IL7R: variants seen among roughly 807,000 people sequenced by gnomAD.
IL7R encodes the protein interleukin-7 receptor subunit alpha.
IL7R carries 38 observed loss-of-function variants against 47.0 expected under a neutral mutation model. The observed-to-expected ratio is 0.81, with a 90% CI of 0.62 to 1.06. The LOEUF (loss-of-function observed/expected upper bound fraction) is 1.06, where lower values mean the gene tolerates loss of function less well. IL7R is among the 50% of genes least tolerant of loss of function. The pLI, the probability that IL7R is intolerant of heterozygous loss-of-function variation, is 0.00. For missense variants in IL7R, 633 were observed against 534.8 expected (o/e 1.18, Z -1.81); for synonymous variants, 221 against 199.8 (o/e 1.11, Z -0.89).
chr5:35,861,726 T>G (rs1007874979), intron 2 of IL7R, among the ~76,000 whole-genome samples: 3 of 152,200 alleles, frequency 2.0e-5, no homozygotes, highest in African/African-American at 7.2e-5. Context: ...TTTGAAAGTT[T>G]ACTAAAGGTC....
Position 35,876,245 on chromosome 5 carries a change from C to G in IL7R, c.1139C>G (p.Pro380Arg), listed in dbSNP as rs780521625. 2.0e-5 allele frequency: 33 copies of G among 1,614,008 alleles called. No individual in the cohort carries two copies. The highest frequency in any genetic ancestry group is 6.7e-5 in the East Asian group (3 of 44,878). Residue 380 changes from proline to arginine, a missense_variant, in exon 8 of 8, where the codon CCT becomes CGT. Physicochemically the swap from Pro to Arg is moderately radical, Grantham distance 103. Coordinates refer to ENST00000303115, the MANE Select transcript of IL7R (RefSeq NM_002185.5). ...LAGNVSACDA[P>R]ILSSSRSLDC... ...GGGAATGTCAGTGCATGTGACGCCC[C>G]TATTCTCTCCTCTTCCAGGTCCCTA...
chr5:35,870,963 G>A lies in IL7R; in HGVS notation c.380-93G>A. 5.2e-6 allele frequency: 6 copies of A among 1,144,898 alleles called. No individual in the cohort carries two copies. In the South Asian group the frequency reaches 7.5e-5, roughly 14 times the overall value. 70.9% of individuals were successfully genotyped at this position (1,144,898 alleles called of 1,614,324 possible). A position where few individuals can be genotyped will look rare whatever the true frequency, so the allele number is the denominator to read the frequency against. The stretch of plus-strand genomic sequence containing the variant: ...TTGGCCATTTACTGACACAAAAAGG[G>A]TCAAAGTGACTTGCAGAGGAGATGA... On this transcript the variant is annotated intron_variant, in intron 3 of 7. Coordinates refer to ENST00000303115, the MANE Select transcript of IL7R (RefSeq NM_002185.5).
At chr5:35,869,779 TCTC>T (rs1397357431) in intron 3 of IL7R, among the ~76,000 whole-genome samples, 1 of 152,182 alleles carries the variant, frequency 6.6e-6, no homozygotes, top group East Asian at 1.9e-4. Flanking sequence ...GTTCGGCTGT[TCTC>T]CACCCACTGC....
intron 1 of IL7R, among the ~76,000 whole-genome samples, 166 bp from the exon 2 acceptor site, chr5:35,860,686 A>G (rs1334898892): frequency 6.6e-6 from 1 of 152,130 alleles, no homozygotes; most frequent in Admixed American, 6.6e-5. Flanking sequence ...TTGGTTTTGA[A>G]GCATTTTTCT....
rs201392546 is a variant in IL7R at position 35,874,026 on chromosome 5, G to A, written c.706+378G>A. Among the ~76,000 whole-genome samples the A allele has an allele frequency of 1.6e-4, 25 of 152,276 alleles. No homozygotes were observed. The East Asian group carries it at 3.5e-3, about 21-fold the overall frequency. Reference sequence around the variant, plus strand: ...TGGTGTCAGGTATGCAGGCAAGTGCGGCTGTCCTATGTCTCCTTTTCCAGA... The same window carrying A: ...TGGTGTCAGGTATGCAGGCAAGTGCAGCTGTCCTATGTCTCCTTTTCCAGA... On this transcript the variant is annotated intron_variant, in intron 5 of 7. Transcript: ENST00000303115.
intron 3 of IL7R, among the ~76,000 whole-genome samples, 184 bp from the exon 4 acceptor site, chr5:35,870,872 T>C (rs11567748): frequency 5.9e-5 from 9 of 152,172 alleles, no homozygotes; most frequent in Admixed American, 1.3e-4. Context: ...CACACCCCAC[T>C]GCAAGAGAGG....
chr5:35,865,067 C>G lies in IL7R; in HGVS notation c.222-2239C>G, dbSNP rs1427647650. Among the ~76,000 whole-genome samples, 3 of 152,130 alleles carry G rather than the reference C, an allele frequency of 2.0e-5. No homozygotes were observed. The East Asian group carries it at 5.8e-4, about 30-fold the overall frequency. On this transcript the variant is annotated intron_variant, in intron 2 of 7. Transcript: ENST00000303115. ...TGTTGGTGTGCTGCACCGATTAACTCGTCATTTACATTAGGTATATCTCCT... is the reference window on the plus strand; with the variant it reads ...TGTTGGTGTGCTGCACCGATTAACTGGTCATTTACATTAGGTATATCTCCT...
chr5:35,874,428 C>T (rs1211305208), intron 5 of IL7R, 21 bp from the exon 6 acceptor site: 3 of 1,547,160 alleles, frequency 1.9e-6, no homozygotes, highest in Non-Finnish European at 2.7e-6. Context: ...ATGCTCACCA[C>T]AATCTATTCT....
chr5:35,870,108 G>A (rs573553127), intron 3 of IL7R, among the ~76,000 whole-genome samples: 1 of 152,318 alleles, frequency 6.6e-6, no homozygotes, highest in African/African-American at 2.4e-5. Context: ...GCAAGAAGTA[G>A]CACCCCCACC....
At position 35,875,539 on chromosome 5, in the gene IL7R, C is replaced by T. The variant is rs2149904799; in HGVS notation, c.828C>T (p.Leu276=). Residue 276 remains leucine, a synonymous_variant, in exon 7 of 8, where the codon CTC becomes CTT. Coordinates refer to ENST00000303115, the MANE Select transcript of IL7R (RefSeq NM_002185.5). The stretch of plus-strand genomic sequence containing the variant: ...TTAAGCCTATCGTATGGCCCAGTCT[C>T]CCCGATCATAAGAAGACTCTGGAAC... ...KRIKPIVWPS[L]PDHKKTLEHL... 6 of 1,613,380 alleles carry T rather than the reference C, an allele frequency of 3.7e-6. No individual in the cohort carries two copies. Among genetic ancestry groups the T allele is most frequent in the Non-Finnish European group, 5.1e-6 (6 of 1,179,380 alleles).
chr5:35,872,975 T>A (rs11567758), intron 4 of IL7R, among the ~76,000 whole-genome samples: 1,968 of 152,200 alleles, frequency 0.013, 49 homozygotes, highest in African/African-American at 0.045. Context: ...TAAATACAGA[T>A]ATAAATAGCA....
chr5:35,857,549 T>C (rs1013357647), intron 1 of IL7R, among the ~76,000 whole-genome samples: 8 of 152,176 alleles, frequency 5.3e-5, no homozygotes, highest in African/African-American at 1.9e-4. Flanking sequence ...GGCTAGAATA[T>C]AGTAGACATC....
At chr5:35,873,435 A>G in intron 4 of IL7R, 45 bp from the exon 5 acceptor site, 1 of 1,526,512 alleles carries the variant, frequency 6.6e-7, no homozygotes, top group Non-Finnish European at 9.1e-7. Context: ...TTTAGGCAAC[A>G]CCTCTTTTCC....
At chr5:35,858,067 C>G (rs566261856) in intron 1 of IL7R, among the ~76,000 whole-genome samples, 50 of 152,222 alleles carry the variant, frequency 3.3e-4, no homozygotes, top group Admixed American at 7.2e-4. Flanking sequence ...TTATTCTATG[C>G]TAAACTTTGC....
chr5:35,872,624 G>T (rs543700769), intron 4 of IL7R, among the ~76,000 whole-genome samples: 2 of 152,180 alleles, frequency 1.3e-5, no homozygotes, highest in East Asian at 3.9e-4. Flanking sequence ...AAAAATTATA[G>T]CCAAATGTTT....
chr5:35,872,744 A>G (rs1248490924), intron 4 of IL7R, among the ~76,000 whole-genome samples: 1 of 152,212 alleles, frequency 6.6e-6, no homozygotes, highest in African/African-American at 2.4e-5. Context: ...ATGTCAACAC[A>G]CACAATAATC....
chr5:35,875,579 C>T lies in IL7R; in HGVS notation c.868C>T (p.Pro290Ser), dbSNP rs1036740256. The stretch of plus-strand genomic sequence containing the variant: ...GACTCTGGAACATCTTTGTAAGAAA[C>T]CAAGAAAAGTGAGTGTTTTTGGTGC... ...KKTLEHLCKKPRKNLNVSFNP... is the reference protein window; with the variant it reads ...KKTLEHLCKKSRKNLNVSFNP... Residue 290 changes from proline (P) to serine (S), a missense_variant, in exon 7 of 8, where the codon CCA (proline) becomes TCA (serine). Physicochemically the swap from Pro to Ser is moderately conservative, Grantham distance 74. Transcript: ENST00000303115. 3 of 1,612,184 alleles carry T rather than the reference C, an allele frequency of 1.9e-6. No individual in the cohort carries two copies. Among genetic ancestry groups the T allele is most frequent in the Non-Finnish European group, 2.5e-6 (3 of 1,178,238 alleles).
intron 1 of IL7R, among the ~76,000 whole-genome samples, chr5:35,859,311 T>C (rs1759740051): frequency 6.6e-6 from 1 of 152,058 alleles, no homozygotes; most frequent in Non-Finnish European, 1.5e-5. Flanking sequence ...ACATGTTCTG[T>C]GTATAGAATT....
intron 1 of IL7R, among the ~76,000 whole-genome samples, chr5:35,858,610 CA>C (rs1759721432): frequency 6.6e-6 from 1 of 152,132 alleles, no homozygotes; most frequent in African/African-American, 2.4e-5. Flanking sequence ...TATGTAATTT[CA>C]AAACCATAGT....
Sources: allele counts gnomAD v4.1 joint callset (sites outside exome capture counted in the v4.1 genomes callset), GRCh38; gene constraint gnomAD v4.1.1; transcripts MANE v1.5; gene names NCBI Gene and HGNC (gene_info 2026-07-23, HGNC 2026-07-21).